The following PPP2R5C variants were observed in gnomAD, a reference collection of about 807,000 sequenced individuals.
PPP2R5C encodes serine/threonine-protein phosphatase 2A 56 kDa regulatory subunit gamma isoform.
In PPP2R5C, 7 loss-of-function variants were observed where a neutral mutation model predicts 68.9. The observed-to-expected ratio is 0.10, with a 90% CI of 0.06 to 0.19. PPP2R5C has a LOEUF of 0.19. PPP2R5C is among the 10% of genes least tolerant of loss of function. The pLI, the probability that PPP2R5C is intolerant of heterozygous loss-of-function variation, is 1.00. For missense variants in PPP2R5C, 348 were observed against 641.3 expected (o/e 0.54, Z 4.94); for synonymous variants, 210 against 222.2 (o/e 0.95, Z 0.49).
rs1236020076 is a variant in PPP2R5C at position 101,922,210 on chromosome 14, C to T, written c.1444-2931C>T. ...GAAAGAAATTTGGCAGCTGGGAGGC[C>T]GGGCACAATGGCAGATGCCTGTAAT... On this transcript the variant is annotated intron_variant, in intron 13 of 13. Transcript: ENST00000334743. The T allele has an allele frequency of 8.1e-6, 8 of 983,714 alleles. 1 individual carries two copies. Among genetic ancestry groups the T allele is most frequent in the South Asian group, 4.7e-5 (1 of 21,268 alleles). The allele number at this position is 983,714 out of a possible 1,614,324, so 60.9% of individuals were successfully genotyped here. A position where few individuals can be genotyped will look rare whatever the true frequency, so the allele number is the denominator to read the frequency against.
rs1375288822 is a variant in PPP2R5C, at chr14:101,882,656, A to G, written c.405+385A>G. On this transcript the variant is annotated intron_variant, in intron 3 of 13. Coordinates refer to ENST00000334743, the Ensembl canonical transcript of PPP2R5C. The surrounding 1 kb of genome is among the most constrained non-coding windows in gnomAD (Gnocchi z 4.9). ...ACTGCCTTTCCCCAGGGCATTTGTA[A>G]GGCAGAAGGTTGGTTGGCAAGGAGG... The G allele has an allele frequency of 5.9e-6, 1 of 169,474 alleles. No individual in the cohort carries two copies. Among genetic ancestry groups the G allele is most frequent in the Non-Finnish European group, 1.3e-5 (1 of 79,622 alleles). The allele number at this position is 169,474 out of a possible 1,614,324, so 10.5% of individuals were successfully genotyped here.
chr14:101,826,178 T>A (rs1362995168), intron 1 of PPP2R5C, among the ~76,000 whole-genome samples: 1 of 150,204 alleles, frequency 6.7e-6, no homozygotes, highest in Non-Finnish European at 1.5e-5. Context: ...CTTGATTTGT[T>A]TTCTGTCTCC....
chr14:101,803,540 C>T (rs953985575), intron 3 of PPP2R5C, among the ~76,000 whole-genome samples: 9 of 151,968 alleles, frequency 5.9e-5, no homozygotes, highest in African/African-American at 1.7e-4. Context: ...CTGGCTAACA[C>T]GGTGAAACCC....
intron 11 of PPP2R5C, among the ~76,000 whole-genome samples, chr14:101,911,680 C>G (rs2046399633): frequency 6.6e-6 from 1 of 151,950 alleles, no homozygotes; most frequent in African/African-American, 2.4e-5. Flanking sequence ...GTCAGGAGTT[C>G]GAGACCAGCC....
intron 2 of PPP2R5C, among the ~76,000 whole-genome samples, chr14:101,780,876 C>T (rs939138968): frequency 1.3e-5 from 2 of 152,114 alleles, no homozygotes; most frequent in African/African-American, 2.4e-5. Context: ...AGTTGGGGTC[C>T]AGCATTTGGC....
intron 9 of PPP2R5C, among the ~76,000 whole-genome samples, chr14:101,904,813 G>A (rs752252248): frequency 6.6e-6 from 1 of 152,230 alleles, no homozygotes; most frequent in Non-Finnish European, 1.5e-5. Flanking sequence ...GAAGGGTGTT[G>A]ACAGTAGTTA....
At position 101,886,027 on chromosome 14, in the gene PPP2R5C, A is replaced by G. The variant is rs376899934; in HGVS notation, c.629+2465A>G. 4.6e-5 allele frequency among the ~76,000 whole-genome samples: 7 copies of G among 151,874 alleles called. 1 individual carries two copies. The South Asian group carries it at 6.2e-4, about 14-fold the overall frequency. The stretch of plus-strand genomic sequence containing the variant: ...CCGGGCGTGGTGGCTCACGCCTGTA[A>G]TCCCAGCACTTTGGGAGGCCGAGGC... On this transcript the variant is annotated intron_variant, in intron 5 of 13. Transcript: ENST00000334743.
chr14:101,893,066 A>G (rs966524604), exon 7 of PPP2R5C: 16 of 1,612,420 alleles, frequency 9.9e-6, no homozygotes, highest in Non-Finnish European at 8.5e-6. Flanking sequence ...AGGTGTTACT[A>G]CCTTTGCACA....
intron 7 of PPP2R5C, among the ~76,000 whole-genome samples, chr14:101,893,523 G>A (rs1256143011): frequency 1.3e-5 from 2 of 152,110 alleles, no homozygotes; most frequent in Non-Finnish European, 2.9e-5. Context: ...AGGCTGAGGC[G>A]GACAGATCAC....
intron 1 of PPP2R5C, among the ~76,000 whole-genome samples, chr14:101,816,910 A>T (rs1485602961): frequency 2.2e-5 from 3 of 138,962 alleles, no homozygotes; most frequent in Admixed American, 7.5e-5. Context: ...ATATATATAT[A>T]ATATATATAT....
At chr14:101,894,521 A>G (rs1354219518) in exon 8 of PPP2R5C, 3 of 1,613,982 alleles carry the variant, frequency 1.9e-6, no homozygotes, top group Non-Finnish European at 2.5e-6. Context: ...CATACTGTGT[A>G]GTGCAGTTTT....
At chr14:101,855,826 C>T (rs565259061) in intron 1 of PPP2R5C, among the ~76,000 whole-genome samples, 1 of 152,284 alleles carries the variant, frequency 6.6e-6, no homozygotes, top group South Asian at 2.1e-4. Context: ...CATCCACTTG[C>T]CAGCACTGAG....
Position 101,917,951 on chromosome 14 carries a change from A to T in PPP2R5C, c.1443+4A>T. On this transcript the variant is annotated splice_donor_region_variant and intron_variant, in intron 13 of 13. Transcript: ENST00000334743. The surrounding 1 kb of genome is among the most constrained non-coding windows in gnomAD (Gnocchi z 4.4). ...AGTGAAGGACGAGGCTCATCAGGTA[A>T]AAGTGCACCGAGCTCAGCTGGGCAC... is the stretch of plus-strand genomic sequence containing the variant. 1 of 1,613,872 alleles carries T rather than the reference A, an allele frequency of 6.2e-7. No individual in the cohort carries two copies. The highest frequency in any genetic ancestry group is 8.5e-7 in the Non-Finnish European group (1 of 1,179,840).
intron 2 of PPP2R5C, among the ~76,000 whole-genome samples, chr14:101,777,937 T>A (rs2037504233): frequency 6.6e-6 from 1 of 151,972 alleles, no homozygotes; most frequent in African/African-American, 2.4e-5. Flanking sequence ...CATACCTGGC[T>A]ATTTTTTTTT....
chr14:101,918,090 T>C, intron 13 of PPP2R5C, 143 bp downstream of exon 15: 1 of 1,174,270 alleles, frequency 8.5e-7, no homozygotes, highest in Non-Finnish European at 1.1e-6. Flanking sequence ...ATAGGAAACA[T>C]TGTATCGATA....
chr14:101,922,822 A>AT (rs1312690462), intron 13 of PPP2R5C, among the ~76,000 whole-genome samples: 7 of 152,150 alleles, frequency 4.6e-5, no homozygotes, highest in African/African-American at 1.4e-4. Context: ...TCTAATAAAA[A>AT]TAAAAAAAAA....
chr14:101,819,432 C>T (rs2039915315), intron 1 of PPP2R5C: 2 of 229,132 alleles, frequency 8.7e-6, no homozygotes, highest in Admixed American at 5.0e-5. Flanking sequence ...AATATGGCGC[C>T]TTTCTTTCAT....
chr14:101,772,545 G>A (rs1048913973), intron 2 of PPP2R5C, among the ~76,000 whole-genome samples: 2 of 152,174 alleles, frequency 1.3e-5, no homozygotes, highest in East Asian at 3.9e-4. Flanking sequence ...CTGTAATCCT[G>A]GCACTTTGGG....
At chr14:101,831,793 G>C in intron 1 of PPP2R5C, 1 of 702,044 alleles carries the variant, frequency 1.4e-6, no homozygotes, top group Non-Finnish European at 2.6e-6. Flanking sequence ...ACTTGAATAT[G>C]CGTGGATTTG....
Sources: allele counts gnomAD v4.1 joint callset (sites outside exome capture counted in the v4.1 genomes callset), GRCh38; gene constraint gnomAD v4.1.1; non-coding constraint Gnocchi (gnomAD v3.1); transcripts MANE v1.5; gene names NCBI Gene and HGNC (gene_info 2026-07-23, HGNC 2026-07-21).